Variants in ZNF284 observed in about 807,000 individuals in gnomAD.
The protein encoded by ZNF284 is zinc finger protein 284.
In ZNF284, 12 loss-of-function variants were observed where a neutral mutation model predicts 12.9. The observed-to-expected ratio is 0.93, with a 90% CI of 0.60 to 1.51. ZNF284 has a LOEUF of 1.51. ZNF284 is among the 40% of genes most tolerant of loss of function. ZNF284 has a pLI of 0.00. For synonymous variants in ZNF284, 225 were observed against 236.5 expected (o/e 0.95, Z 0.45); for missense variants, 667 against 707.3 (o/e 0.94, Z 0.65).
rs924151303 is a variant in ZNF284, at chr19:44,087,592, CTTTTTTTTT to C, written c.*350_*358del. ...TAATTGCTATGCCATGCTGCTTCTG[CTTTTTTTTT>C]TTTTTTTTTTTTTTTTTGAGAACAG... On this transcript the variant is annotated 3_prime_UTR_variant, in exon 5 of 5. Transcript: ENST00000421176. 105 of 100,264 alleles carry C rather than the reference CTTTTTTTTT, an allele frequency of 1.0e-3. No homozygotes were observed. Among genetic ancestry groups the C allele is most frequent in the Admixed American group, 4.5e-3 (42 of 9,434 alleles). 6.2% of individuals were successfully genotyped at this position (100,264 alleles called of 1,614,324 possible). A position where few individuals can be genotyped will look rare whatever the true frequency, so the allele number is the denominator to read the frequency against.
rs376876638 is a variant in ZNF284, at chr19:44,085,834, G to T, written c.356G>T (p.Ser119Ile). The change falls in exon 5 of 5, where the codon AGT becomes ATT. Residue 119 changes from serine to isoleucine, a missense_variant. Ser to Ile is a moderately radical substitution (Grantham distance 142). Coordinates refer to ENST00000421176, the MANE Select transcript of ZNF284 (RefSeq NM_001037813.4). ...SELTRPQDSI[S>I]SSQFSTQGDV... ...TTAACTAGACCTCAAGACTCCATAA[G>T]TAGCTCTCAGTTCTCCACACAAGGT... 3 of 1,573,456 alleles carry T rather than the reference G, an allele frequency of 1.9e-6. No individual in the cohort carries two copies. Among genetic ancestry groups the T allele is most frequent in the Non-Finnish European group, 2.6e-6 (3 of 1,154,938 alleles).
chr19:44,074,961 C>G (rs1475469339), intron 1 of ZNF284, among the ~76,000 whole-genome samples: 1 of 152,010 alleles, frequency 6.6e-6, no homozygotes, highest in African/African-American at 2.4e-5. Flanking sequence ...GATGGCGCCC[C>G]TGCACTCTGA....
At chr19:44,083,466 T>TAG (rs1394825145) in intron 4 of ZNF284, among the ~76,000 whole-genome samples, 27 of 62,328 alleles carry the variant, frequency 4.3e-4, no homozygotes, top group African/African-American at 1.3e-3. Flanking sequence ...TATATATATA[T>TAG]ATATATATAG....
At chr19:44,085,258 G>A (rs1304807125) in intron 4 of ZNF284, 1 of 156,080 alleles carries the variant, frequency 6.4e-6, no homozygotes, top group East Asian at 1.9e-4. Context: ...CCTTGTGCAG[G>A]GGCTGATCAT....
intron 4 of ZNF284, among the ~76,000 whole-genome samples, chr19:44,082,825 C>T (rs117431722): frequency 1.2e-4 from 19 of 152,226 alleles, no homozygotes; most frequent in East Asian, 1.9e-4. Flanking sequence ...GGGTCCCTTG[C>T]GATTGGATTG....
At chr19:44,082,220 T>G in intron 4 of ZNF284, 115 bp downstream of exon 4, 1 of 751,256 alleles carries the variant, frequency 1.3e-6, no homozygotes, top group South Asian at 2.2e-5. Flanking sequence ...TCCTGGATTC[T>G]TACCTCCTTC....
At chr19:44,074,957 G>A (rs901690638) in intron 1 of ZNF284, among the ~76,000 whole-genome samples, 5 of 151,996 alleles carry the variant, frequency 3.3e-5, no homozygotes, top group Non-Finnish European at 5.9e-5. Flanking sequence ...CTGAGATGGC[G>A]CCCCTGCACT....
At chr19:44,080,368 C>T (rs932730364) in intron 2 of ZNF284, among the ~76,000 whole-genome samples, 3 of 152,018 alleles carry the variant, frequency 2.0e-5, no homozygotes, top group Admixed American at 2.0e-4. Context: ...AGGCCGAGGC[C>T]GGCAAATCGC....
intron 3 of ZNF284, among the ~76,000 whole-genome samples, chr19:44,081,670 T>C (rs960748161): frequency 1.3e-5 from 2 of 151,586 alleles, no homozygotes; most frequent in Non-Finnish European, 2.9e-5. Context: ...CGAGATCGCA[T>C]CACTGCACTC....
Position 44,085,818 on chromosome 19 carries a change from C to A in ZNF284, c.340C>A (p.Pro114Thr). 6.2e-7 allele frequency: 1 copy of A among 1,610,310 alleles called. No individual in the cohort carries two copies. Among genetic ancestry groups the A allele is most frequent in the Non-Finnish European group, 8.5e-7 (1 of 1,178,548 alleles). The change falls in exon 5 of 5, where the codon CCT becomes ACT. Residue 114 changes from proline (P) to threonine (T), a missense_variant. By Grantham distance (38) the Pro-to-Thr change is conservative. Coordinates refer to ENST00000421176, the MANE Select transcript of ZNF284 (RefSeq NM_001037813.4). Reference sequence around the variant, plus strand: ...ACAAACTGCAAGTGAGTTAACTAGACCTCAAGACTCCATAAGTAGCTCTCA... The same window carrying A: ...ACAAACTGCAAGTGAGTTAACTAGAACTCAAGACTCCATAAGTAGCTCTCA... ...WEQTASELTR[P>T]QDSISSSQFS...
intron 4 of ZNF284, 28 bp downstream of exon 4, chr19:44,082,133 G>A (rs371971611): frequency 1.3e-6 from 2 of 1,563,792 alleles, no homozygotes; most frequent in Non-Finnish European, 1.8e-6. Context: ...ATGCATCCTT[G>A]TACGTGACCC....
At chr19:44,078,464 G>A (rs1055888887) in intron 2 of ZNF284, among the ~76,000 whole-genome samples, 3 of 152,052 alleles carry the variant, frequency 2.0e-5, no homozygotes, top group African/African-American at 7.2e-5. Context: ...TTGTATTATA[G>A]TTTATTCTTA....
intron 1 of ZNF284, among the ~76,000 whole-genome samples, chr19:44,074,035 T>C (rs1333255531): frequency 6.6e-6 from 1 of 151,756 alleles, no homozygotes; most frequent in Non-Finnish European, 1.5e-5. Flanking sequence ...ATCTCATCGT[T>C]ATCTCATTTT....
At position 44,076,300 on chromosome 19, in the gene ZNF284, TGC is replaced by T; in HGVS notation, c.-68-21_-68-20del. ...CCCTTCATGTCTCTTTTTTTTTTTT[TGC>T]CTTCCATGGCATGTTTCAGGCACAA... On this transcript the variant is annotated intron_variant, in intron 1 of 4. Transcript: ENST00000421176. The T allele has an allele frequency of 4.6e-6, 6 of 1,318,234 alleles. No homozygotes were observed. The highest frequency in any genetic ancestry group is 2.7e-5 in the South Asian group (2 of 73,262). 81.7% of individuals were successfully genotyped at this position (1,318,234 alleles called of 1,614,324 possible).
At chr19:44,078,813 T>C (rs1271421800) in intron 2 of ZNF284, among the ~76,000 whole-genome samples, 2 of 152,124 alleles carry the variant, frequency 1.3e-5, no homozygotes, top group Non-Finnish European at 2.9e-5. Context: ...TTTTTTGAAA[T>C]AGAGTCTTGC....
chr19:44,085,603 C>A, intron 4 of ZNF284, 111 bp from the exon 5 acceptor site: 3 of 996,478 alleles, frequency 3.0e-6, no homozygotes, highest in Non-Finnish European at 4.5e-6. Context: ...AAAACACAAA[C>A]TGTACCTTCC....
intron 4 of ZNF284, among the ~76,000 whole-genome samples, chr19:44,082,313 A>G (rs925614753): frequency 6.6e-6 from 1 of 152,190 alleles, no homozygotes; most frequent in Admixed American, 6.5e-5. Flanking sequence ...TCCTTAGGGA[A>G]TGTAAGTCAG....
chr19:44,081,651 G>T (rs1433884300), intron 3 of ZNF284, among the ~76,000 whole-genome samples: 2 of 152,100 alleles, frequency 1.3e-5, no homozygotes, highest in Non-Finnish European at 2.9e-5. Flanking sequence ...GGCGGAGCTT[G>T]CAGTGAGCCG....
At position 44,072,265 on chromosome 19, in the gene ZNF284, G is replaced by C. The variant is rs1966957094; in HGVS notation, c.-95G>C. 2 of 152,280 alleles carry C rather than the reference G, an allele frequency of 1.3e-5. No homozygotes were observed. The highest frequency in any genetic ancestry group is 1.3e-4 in the Admixed American group (2 of 15,282). The allele number at this position is 152,280 out of a possible 1,614,324, so 9.4% of individuals were successfully genotyped here. Reference sequence around the variant, plus strand: ...CAACCACCTGGAAGTTGACTAAGGGGAGAAGGAGTCTCGTTGGAAAACGGA... The same window carrying C: ...CAACCACCTGGAAGTTGACTAAGGGCAGAAGGAGTCTCGTTGGAAAACGGA... On this transcript the variant is annotated 5_prime_UTR_variant, in exon 1 of 5. Coordinates refer to ENST00000421176, the MANE Select transcript of ZNF284 (RefSeq NM_001037813.4).
Sources: allele counts gnomAD v4.1 joint callset (sites outside exome capture counted in the v4.1 genomes callset), GRCh38; gene constraint gnomAD v4.1.1; transcripts MANE v1.5; gene names NCBI Gene and HGNC (gene_info 2026-07-23, HGNC 2026-07-21).